Variants in OTOGL observed in about 807,000 individuals in gnomAD.
OTOGL encodes the protein otogelin-like protein.
Under a neutral mutation model 318.5 loss-of-function variants are expected in OTOGL, and 285 were observed. The observed-to-expected ratio is 0.89, with a 90% CI of 0.81 to 0.99. The LOEUF is 0.99. Ranked by LOEUF, OTOGL falls within the 50% of genes least tolerant of loss-of-function variation. The probability of loss-of-function intolerance (pLI) is 0.00; values close to 1 mark genes in which losing one functional copy is unlikely to be tolerated. For synonymous variants in OTOGL, 987 were observed against 936.5 expected (o/e 1.05, Z -0.99); for missense variants, 2,899 against 2,845.6 (o/e 1.02, Z -0.43).
At chr12:80,310,840 C>A (rs1886590527) in intron 30 of OTOGL, 113 bp downstream of exon 30, 2 of 758,244 alleles carry the variant, frequency 2.6e-6, no homozygotes, top group Non-Finnish European at 4.1e-6. Flanking sequence ...AGATATACCA[C>A]CTAACTATTG....
intron 1 of OTOGL, among the ~76,000 whole-genome samples, chr12:80,200,727 A>G (rs2137283485): frequency 6.6e-6 from 1 of 152,362 alleles, no homozygotes; most frequent in Admixed American, 6.5e-5. Context: ...AGAGGCATAC[A>G]TTAATTTGTT....
intron 1 of OTOGL, among the ~76,000 whole-genome samples, chr12:80,193,570 C>T (rs993900471): frequency 1.6e-4 from 25 of 152,000 alleles, no homozygotes; most frequent in Non-Finnish European, 3.1e-4. Context: ...TGGGAATATC[C>T]ATTCTTTGAT....
intron 11 of OTOGL, among the ~76,000 whole-genome samples, chr12:80,241,594 G>A (rs569339023): frequency 7.9e-5 from 12 of 151,850 alleles, no homozygotes; most frequent in Non-Finnish European, 1.5e-4. Context: ...CTTTTCAATT[G>A]CCTTATCTTT....
chr12:80,105,069 C>T (rs573223323), intron 1 of OTOGL, among the ~76,000 whole-genome samples: 17 of 152,182 alleles, frequency 1.1e-4, no homozygotes, highest in Middle Eastern at 6.8e-3. Context: ...GCACTCTGCA[C>T]TCCAGCCTGG....
At chr12:80,115,856 G>A (rs2400611) in intron 1 of OTOGL, among the ~76,000 whole-genome samples, 83,816 of 151,900 alleles carry the variant, frequency 0.55, 23,286 homozygotes, top group Middle Eastern at 0.59. Context: ...ACTGTGAGGG[G>A]AAAACTGCCT....
intron 1 of OTOGL, among the ~76,000 whole-genome samples, chr12:80,159,093 T>C (rs771781580): frequency 3.9e-5 from 6 of 152,130 alleles, no homozygotes; most frequent in Non-Finnish European, 8.8e-5. Flanking sequence ...GAGATGATCA[T>C]GTATTTTTGT....
intron 57 of OTOGL, among the ~76,000 whole-genome samples, chr12:80,375,874 A>G (rs2097251963): frequency 6.6e-6 from 1 of 152,098 alleles, no homozygotes; most frequent in Admixed American, 6.6e-5. Context: ...AACAGCACTG[A>G]GCCTCGAGTC....
chr12:80,299,569 ACTATT>A (rs1324500098), intron 27 of OTOGL, among the ~76,000 whole-genome samples: 1 of 97,196 alleles, frequency 1.0e-5, no homozygotes, highest in Non-Finnish European at 2.6e-5. Flanking sequence ...AAAAATAAGC[ACTATT>A]TATTTTATGG....
intron 1 of OTOGL, among the ~76,000 whole-genome samples, chr12:80,128,931 C>T (rs1247053068): frequency 6.6e-6 from 1 of 152,152 alleles, no homozygotes; most frequent in Non-Finnish European, 1.5e-5. Flanking sequence ...TTCCAGGTGC[C>T]ATCTGTCACC....
At chr12:80,289,486 C>A (rs1038509126) in intron 26 of OTOGL, among the ~76,000 whole-genome samples, 5 of 152,200 alleles carry the variant, frequency 3.3e-5, no homozygotes, top group African/African-American at 1.2e-4. Context: ...TCTGCTGAAG[C>A]TGTGCCCACA....
intron 1 of OTOGL, among the ~76,000 whole-genome samples, chr12:80,207,436 C>G (rs2137299611): frequency 6.6e-6 from 1 of 152,132 alleles, no homozygotes; most frequent in Admixed American, 6.6e-5. Flanking sequence ...AACTCCCGAC[C>G]TCAGGTGATC....
intron 44 of OTOGL, among the ~76,000 whole-genome samples, chr12:80,348,828 C>T (rs1232295814): frequency 2.6e-5 from 4 of 152,142 alleles, no homozygotes; most frequent in Admixed American, 1.3e-4. Flanking sequence ...TGCTCTTCTT[C>T]TTGCTGTTTC....
intron 49 of OTOGL, 72 bp from the exon 50 acceptor site, chr12:80,358,176 G>T: frequency 1.1e-6 from 1 of 948,378 alleles, no homozygotes. Flanking sequence ...TTTGTGTATG[G>T]TAATTTAAAC....
intron 1 of OTOGL, among the ~76,000 whole-genome samples, chr12:80,203,962 G>T (rs1876636523): frequency 6.6e-6 from 1 of 152,134 alleles, no homozygotes. Context: ...TCTCAGTAAA[G>T]CTGATAAGTT....
chr12:80,318,124 C>G (rs1007851852), intron 32 of OTOGL, among the ~76,000 whole-genome samples: 7 of 152,084 alleles, frequency 4.6e-5, no homozygotes, highest in African/African-American at 1.7e-4. Context: ...CCCTCCAATC[C>G]AATTATCCTT....
At chr12:80,118,067 A>G (rs1175548079) in intron 1 of OTOGL, among the ~76,000 whole-genome samples, 1 of 152,032 alleles carries the variant, frequency 6.6e-6, no homozygotes, top group Admixed American at 6.6e-5. Context: ...CTTCTAATGT[A>G]GACTATTTTT....
chr12:80,199,206 C>T (rs1876294512), intron 1 of OTOGL, among the ~76,000 whole-genome samples: 1 of 152,174 alleles, frequency 6.6e-6, no homozygotes, highest in Admixed American at 6.5e-5. Flanking sequence ...TACTTTGCTC[C>T]AGTCACAGTA....
intron 24 of OTOGL, among the ~76,000 whole-genome samples, chr12:80,276,030 A>C (rs1883780766): frequency 1.3e-5 from 2 of 151,840 alleles, no homozygotes; most frequent in African/African-American, 2.4e-5. Flanking sequence ...AATTAACAAT[A>C]TCTCTGAAAT....
chr12:80,213,429 C>T (rs768485876), intron 4 of OTOGL, among the ~76,000 whole-genome samples: 4 of 152,110 alleles, frequency 2.6e-5, no homozygotes, highest in Admixed American at 6.6e-5. Context: ...GTCCTGCTGA[C>T]CTCTTATCTC....
Sources: allele counts gnomAD v4.1 joint callset (sites outside exome capture counted in the v4.1 genomes callset), GRCh38; gene constraint gnomAD v4.1.1; transcripts MANE v1.5; gene names NCBI Gene and HGNC (gene_info 2026-07-23, HGNC 2026-07-21).